Variants in M1AP observed in about 807,000 individuals in gnomAD.
M1AP encodes meiosis 1 arrest protein.
Under a neutral mutation model 51.2 loss-of-function variants are expected in M1AP, and 39 were observed. That is an observed-to-expected ratio of 0.76 (90% CI 0.59 to 1.00). The LOEUF is 1.00. M1AP is among the 50% of genes least tolerant of loss of function. The pLI is 0.00. For synonymous variants in M1AP, 251 were observed against 249.2 expected (o/e 1.01, Z -0.07); for missense variants, 545 against 641.2 (o/e 0.85, Z 1.62).
intron 5 of M1AP, among the ~76,000 whole-genome samples, chr2:74,578,017 C>T (rs1252944162): frequency 6.6e-6 from 1 of 152,194 alleles, no homozygotes; most frequent in Non-Finnish European, 1.5e-5. Context: ...AACCTAGATC[C>T]CTTGCATGTG....
At chr2:74,571,812 C>T (rs1687371973) in intron 7 of M1AP, among the ~76,000 whole-genome samples, 1 of 152,092 alleles carries the variant, frequency 6.6e-6, no homozygotes, top group South Asian at 2.1e-4. Context: ...GCCTGACCAA[C>T]ATGGAGAAAC....
chr2:74,566,310 G>A (rs560320029), intron 7 of M1AP, among the ~76,000 whole-genome samples: 40 of 152,302 alleles, frequency 2.6e-4, no homozygotes, highest in Middle Eastern at 6.8e-3. Flanking sequence ...GTGGCAACAA[G>A]TACATGGGTG....
intron 2 of M1AP, among the ~76,000 whole-genome samples, chr2:74,623,065 A>G (rs1021783808): frequency 1.2e-4 from 19 of 152,158 alleles, no homozygotes; most frequent in African/African-American, 4.6e-4. Flanking sequence ...AATCTTAATA[A>G]TAATAAGGTC....
chr2:74,620,161 G>A lies in M1AP; in HGVS notation c.241-5012C>T, dbSNP rs913785930. 9.2e-5 allele frequency among the ~76,000 whole-genome samples: 14 copies of A among 152,186 alleles called. No homozygotes were observed. The East Asian group carries it at 2.7e-3, about 29-fold the overall frequency. On this transcript the variant is annotated intron_variant, in intron 2 of 10. Transcript: ENST00000421985. The stretch of plus-strand genomic sequence containing the variant: ...ATAGTGGGAATATTAACCTTGACAA[G>A]GACGACATTCATTTAAATGAGAATG...
chr2:74,599,954 C>A (rs995255844), intron 4 of M1AP, among the ~76,000 whole-genome samples: 1 of 151,964 alleles, frequency 6.6e-6, no homozygotes, highest in Non-Finnish European at 1.5e-5. Context: ...CCTCAGCGTG[C>A]CTAAACTTTT....
intron 1 of M1AP, chr2:74,647,489 A>C: frequency 2.6e-6 from 2 of 780,202 alleles, no homozygotes; most frequent in Non-Finnish European, 3.1e-6. Flanking sequence ...AAAAAGATTA[A>C]AAGAAGTTAA....
At chr2:74,602,529 G>A (rs570410194) in intron 4 of M1AP, among the ~76,000 whole-genome samples, 1 of 152,174 alleles carries the variant, frequency 6.6e-6, no homozygotes, top group Non-Finnish European at 1.5e-5. Flanking sequence ...TAAATACCTT[G>A]CCTAAAGTTG....
intron 4 of M1AP, among the ~76,000 whole-genome samples, chr2:74,599,103 C>A (rs183200903): frequency 4.6e-5 from 7 of 152,072 alleles, no homozygotes; most frequent in Admixed American, 4.6e-4. Context: ...CATGGTGAAA[C>A]CCTGTCTCTA....
intron 2 of M1AP, among the ~76,000 whole-genome samples, chr2:74,618,186 T>C (rs1681781987): frequency 6.6e-6 from 1 of 152,052 alleles, no homozygotes. Context: ...GTGAAGGAAT[T>C]CCATGATCAC....
At chr2:74,567,160 T>A (rs1477474310) in intron 7 of M1AP, among the ~76,000 whole-genome samples, 2 of 152,304 alleles carry the variant, frequency 1.3e-5, no homozygotes, top group East Asian at 1.9e-4. Context: ...TCCTACCACA[T>A]TCCACAAAAC....
chr2:74,619,471 T>C (rs1681876905), intron 2 of M1AP: 1 of 152,858 alleles, frequency 6.5e-6, no homozygotes, highest in Admixed American at 6.5e-5. Context: ...CTTCATGCTC[T>C]AAAAGACTTA....
At chr2:74,566,544 G>A (rs1678394069) in intron 7 of M1AP, among the ~76,000 whole-genome samples, 1 of 152,174 alleles carries the variant, frequency 6.6e-6, no homozygotes, top group Non-Finnish European at 1.5e-5. Context: ...GGGAAGATGC[G>A]AGGGGCGTAG....
At chr2:74,600,183 TG>T (rs1467404337) in intron 4 of M1AP, among the ~76,000 whole-genome samples, 1 of 152,156 alleles carries the variant, frequency 6.6e-6, no homozygotes, top group African/African-American at 2.4e-5. Flanking sequence ...TGAAAAACCC[TG>T]GGAAAGTTAT....
chr2:74,603,906 G>T (rs1250323287), intron 4 of M1AP, among the ~76,000 whole-genome samples: 2 of 152,130 alleles, frequency 1.3e-5, no homozygotes, highest in Non-Finnish European at 2.9e-5. Context: ...GAAAGAAATC[G>T]ATGGTATCAG....
At position 74,640,145 on chromosome 2, in the gene M1AP, G is replaced by A. The variant is rs759890032; in HGVS notation, c.131C>T (p.Ala44Val). ...GGCTAGAGAGAAGAAGTTCTGCAGA[G>A]CCTCACAGAGGTTGGTGCAGATGTC... ...WADICTNLCE[A>V]LQNFFSLACS... The change falls in exon 2 of 11, where the codon GCT becomes GTT. Residue 44 changes from alanine (A) to valine (V), a missense_variant. Coordinates refer to ENST00000421985, the MANE Select transcript of M1AP (RefSeq NM_001321739.2). 8.1e-6 allele frequency: 13 copies of A among 1,613,968 alleles called. No individual in the cohort carries two copies. The highest frequency in any genetic ancestry group is 1.1e-5 in the Non-Finnish European group (13 of 1,179,922).
chr2:74,626,257 G>GGT (rs1682384244), intron 2 of M1AP, among the ~76,000 whole-genome samples: 5 of 125,930 alleles, frequency 4.0e-5, no homozygotes, highest in Non-Finnish European at 3.4e-5. Flanking sequence ...CTATATTTCA[G>GGT]TTTTTTTTTT....
At chr2:74,570,356 G>A (rs1294958637) in intron 7 of M1AP, among the ~76,000 whole-genome samples, 2 of 152,140 alleles carry the variant, frequency 1.3e-5, no homozygotes, top group Non-Finnish European at 2.9e-5. Flanking sequence ...AAGAAAGGGG[G>A]GAATTTCTAT....
chr2:74,590,225 T>A (rs1200168579), intron 4 of M1AP, among the ~76,000 whole-genome samples: 1 of 152,190 alleles, frequency 6.6e-6, no homozygotes, highest in African/African-American at 2.4e-5. Context: ...AGATTCAATG[T>A]CTGGGGAGGA....
In M1AP at chr2:74,614,961, T is replaced by C. The variant is rs373888647; in HGVS notation, c.426+3A>G. 7 of 1,613,626 alleles carry C rather than the reference T, an allele frequency of 4.3e-6. No homozygotes were observed. The highest frequency in any genetic ancestry group is 1.3e-5 in the African/African-American group (1 of 74,930). On this transcript the variant is annotated splice_donor_region_variant and intron_variant, in intron 3 of 10. Transcript: ENST00000421985. ...TGGAGTCCTAAAGGCCAGCATCACT[T>C]ACCTCCAGGGAGGTATAGGTCAGAG...
Sources: allele counts gnomAD v4.1 joint callset (sites outside exome capture counted in the v4.1 genomes callset), GRCh38; gene constraint gnomAD v4.1.1; transcripts MANE v1.5; gene names NCBI Gene and HGNC (gene_info 2026-07-23, HGNC 2026-07-21).